The following ANKS1B variants were observed in gnomAD, a reference collection of about 807,000 sequenced individuals.
ANKS1B encodes the protein ankyrin repeat and sterile alpha motif domain-containing protein 1B.
A neutral mutation model predicts 148.3 loss-of-function variants in ANKS1B; 36 were observed. That is an observed-to-expected ratio of 0.24 (90% CI 0.19 to 0.32). The LOEUF (loss-of-function observed/expected upper bound fraction) is 0.32. Ranked by LOEUF, ANKS1B falls within the 10% of genes least tolerant of loss-of-function variation. The probability of loss-of-function intolerance (pLI) is 1.00; values close to 1 mark genes in which losing one functional copy is unlikely to be tolerated. For missense variants in ANKS1B, 1,157 were observed against 1,542.6 expected (o/e 0.75, Z 4.19); for synonymous variants, 542 against 560.8 (o/e 0.97, Z 0.47).
rs1298784243 is a variant in ANKS1B at position 98,757,928 on chromosome 12, A to ATGTGTGCACGTGTGTGTGTGTG, written c.3580-6428_3580-6407dup. Among the ~76,000 whole-genome samples, 346 of 107,238 alleles carry ATGTGTGCACGTGTGTGTGTGTG rather than the reference A, an allele frequency of 3.2e-3. 2 individuals carry two copies. The highest frequency in any genetic ancestry group is 4.8e-3 in the Non-Finnish European group (229 of 48,006). The allele number at this position is 107,238 out of a possible 152,430, so 70.4% of individuals were successfully genotyped here. A position where few individuals can be genotyped will look rare whatever the true frequency, so the allele number is the denominator to read the frequency against. On this transcript the variant is annotated intron_variant, in intron 25 of 26. Transcript: ENST00000683438. Reference sequence around the variant, plus strand: ...GTGAAAGAGAGCTGCATGTGTGTGCATGTGTGCACGTGTGTGTGTGTGTGT... The same window carrying ATGTGTGCACGTGTGTGTGTGTG: ...GTGAAAGAGAGCTGCATGTGTGTGCATGTGTGCACGTGTGTGTGTGTGTGTGTGCACGTGTGTGTGTGTGTGT...
At chr12:99,354,100 A>G (rs188238438) in intron 12 of ANKS1B, among the ~76,000 whole-genome samples, 3 of 152,200 alleles carry the variant, frequency 2.0e-5, no homozygotes, top group East Asian at 1.9e-4. Context: ...ACTGGTAAAT[A>G]TAAGTTAAAT....
chr12:99,747,175 A>G (rs2060673872), intron 8 of ANKS1B, among the ~76,000 whole-genome samples: 1 of 151,972 alleles, frequency 6.6e-6, no homozygotes, highest in South Asian at 2.1e-4. Context: ...AGCTTTCCCA[A>G]GCTCCTTTTT....
At chr12:99,592,382 A>C (rs189727036) in intron 9 of ANKS1B, among the ~76,000 whole-genome samples, 3 of 152,148 alleles carry the variant, frequency 2.0e-5, no homozygotes, top group East Asian at 3.9e-4. Context: ...GAAACTGACC[A>C]TTAGGTCACT....
chr12:98,929,184 T>C (rs1473436873), intron 17 of ANKS1B, among the ~76,000 whole-genome samples: 1 of 151,894 alleles, frequency 6.6e-6, no homozygotes, highest in Non-Finnish European at 1.5e-5. Flanking sequence ...CCTTATAGAA[T>C]AGTATCAAAA....
chr12:98,877,572 G>A (rs976520543), intron 17 of ANKS1B, among the ~76,000 whole-genome samples: 1 of 152,138 alleles, frequency 6.6e-6, no homozygotes, highest in South Asian at 2.1e-4. Flanking sequence ...TTATGAACAA[G>A]AAATATTATC....
chr12:99,670,695 CAT>C (rs2098533856), intron 8 of ANKS1B, among the ~76,000 whole-genome samples: 1 of 151,886 alleles, frequency 6.6e-6, no homozygotes, highest in Admixed American at 6.6e-5. Context: ...TATTAGAAAA[CAT>C]AAAGAGGAAG....
chr12:99,922,040 G>A lies in ANKS1B; in HGVS notation c.134+62064C>T, dbSNP rs185056323. Among the ~76,000 whole-genome samples, 43 of 152,216 alleles carry A rather than the reference G, an allele frequency of 2.8e-4. No individual in the cohort carries two copies. The East Asian group carries it at 7.0e-3, about 25-fold the overall frequency. ...TGCCACTTAGGTGCTGTGTGACCTT[G>A]AGAAAATCCCTTAACCTTTCCCTGC... On this transcript the variant is annotated intron_variant, in intron 1 of 26. Transcript: ENST00000683438.
chr12:99,866,736 G>A (rs898701957), intron 1 of ANKS1B, among the ~76,000 whole-genome samples: 3 of 151,978 alleles, frequency 2.0e-5, no homozygotes, highest in African/African-American at 7.2e-5. Context: ...AGGACTCTTC[G>A]ATGAAATAAA....
intron 21 of ANKS1B, 130 bp from the exon 22 acceptor site, chr12:98,799,135 T>A (rs1334504533): frequency 3.9e-6 from 2 of 516,214 alleles, no homozygotes; most frequent in African/African-American, 3.9e-5. Flanking sequence ...TTTAAAAAAC[T>A]GACAGTAACT....
rs902481857 is a variant in ANKS1B, at chr12:99,361,837, T to C, written c.1756+37794A>G. The stretch of plus-strand genomic sequence containing the variant: ...GGGAAATGATGAACATTTGACCACA[T>C]TTAATTTCAAAGGAAAAATTTGAAT... On this transcript the variant is annotated intron_variant, in intron 12 of 26. Transcript: ENST00000683438. Among the ~76,000 whole-genome samples, 3 of 152,062 alleles carry C rather than the reference T, an allele frequency of 2.0e-5. No homozygotes were observed. In the South Asian group the frequency reaches 6.2e-4, roughly 31 times the overall value.
intron 12 of ANKS1B, among the ~76,000 whole-genome samples, chr12:99,301,740 T>A (rs977471651): frequency 1.1e-4 from 16 of 151,784 alleles, no homozygotes; most frequent in African/African-American, 3.6e-4. Context: ...AACATAACCA[T>A]AAAATCATCA....
At chr12:99,291,237 G>A (rs988490414) in intron 12 of ANKS1B, among the ~76,000 whole-genome samples, 1 of 151,942 alleles carries the variant, frequency 6.6e-6, no homozygotes, top group Non-Finnish European at 1.5e-5. Flanking sequence ...TGATTGAAGA[G>A]GACACACAAA....
chr12:99,317,309 G>A (rs2084317814), intron 12 of ANKS1B, among the ~76,000 whole-genome samples: 1 of 151,984 alleles, frequency 6.6e-6, no homozygotes, highest in Non-Finnish European at 1.5e-5. Flanking sequence ...AGCATGGAAT[G>A]TTCTTCCATT....
intron 17 of ANKS1B, among the ~76,000 whole-genome samples, chr12:98,833,782 T>G (rs1023954996): frequency 6.6e-6 from 1 of 152,162 alleles, no homozygotes; most frequent in Non-Finnish European, 1.5e-5. Flanking sequence ...TGTTCACTGT[T>G]GCCATCGTTA....
intron 9 of ANKS1B, among the ~76,000 whole-genome samples, chr12:99,526,106 T>C (rs995993875): frequency 3.3e-5 from 5 of 152,132 alleles, no homozygotes; most frequent in Admixed American, 6.6e-5. Flanking sequence ...GAAAGCAAGA[T>C]AACACACCAT....
At chr12:99,002,026 C>T (rs1232683652) in intron 17 of ANKS1B, among the ~76,000 whole-genome samples, 1 of 152,126 alleles carries the variant, frequency 6.6e-6, no homozygotes, top group Non-Finnish European at 1.5e-5. Context: ...TTTATGCATA[C>T]ATATTGTCTT....
rs116628646 is a variant in ANKS1B, at chr12:99,520,443, C to T, written c.1273-15802G>A. ...TTCTACTAAAAAGTCTGCTGCCAAACATATTGGAGCTGTTATTTGTTATTT... is the reference window on the plus strand; with the variant it reads ...TTCTACTAAAAAGTCTGCTGCCAAATATATTGGAGCTGTTATTTGTTATTT... On this transcript the variant is annotated intron_variant, in intron 9 of 26. Coordinates refer to ENST00000683438, the MANE Select transcript of ANKS1B (RefSeq NM_001352186.2). Among the ~76,000 whole-genome samples, 1,226 of 152,294 alleles carry T rather than the reference C, an allele frequency of 8.1e-3. 13 individuals are homozygous for T. The highest frequency in any genetic ancestry group is 0.028 in the African/African-American group (1,162 of 41,554).
chr12:98,902,760 A>C (rs1340582189), intron 17 of ANKS1B, among the ~76,000 whole-genome samples: 1 of 152,250 alleles, frequency 6.6e-6, no homozygotes, highest in Non-Finnish European at 1.5e-5. Context: ...TCATATAAAA[A>C]TCTAGCACAA....
At chr12:99,505,979 A>G (rs1038500670) in intron 9 of ANKS1B, among the ~76,000 whole-genome samples, 4 of 152,044 alleles carry the variant, frequency 2.6e-5, no homozygotes, top group African/African-American at 9.7e-5. Flanking sequence ...GTAGAATATT[A>G]GTTACTTACC....
Sources: gnomAD v4.1 joint callset for allele counts (sites outside exome capture counted in the v4.1 genomes callset) on GRCh38, gnomAD v4.1.1 for gene constraint, MANE v1.5 for transcripts, NCBI Gene and HGNC (gene_info 2026-07-23, HGNC 2026-07-21) for gene names.